The following MAP3K4 variants were observed in gnomAD, a reference collection of about 807,000 sequenced individuals.
MAP3K4 encodes MAP three kinase 1.
In MAP3K4, 67 loss-of-function variants were observed where a neutral mutation model predicts 185.6. The ratio of observed to expected loss-of-function variants is 0.36; its 90% CI spans 0.30 to 0.44. MAP3K4 has a LOEUF of 0.44. MAP3K4 is among the 20% of genes least tolerant of loss of function. MAP3K4 has a pLI of 1.00. For missense variants in MAP3K4, 1,551 were observed against 1,995.1 expected, an observed-to-expected ratio of 0.78 and a Z score of 4.24; for synonymous variants, 702 against 710.4, an observed-to-expected ratio of 0.99 and a Z score of 0.19.
intron 2 of MAP3K4, among the ~76,000 whole-genome samples, chr6:161,046,728 G>C (rs1335138948): frequency 4.0e-5 from 6 of 150,876 alleles, no homozygotes. Context: ...AAGTAAATTG[G>C]TTTTAAGCAA....
chr6:161,090,244 A>C (rs946204694), intron 11 of MAP3K4, among the ~76,000 whole-genome samples: 1 of 152,216 alleles, frequency 6.6e-6, no homozygotes, highest in African/African-American at 2.4e-5. Context: ...TTGTAACCAT[A>C]GTAAGGGGAT....
chr6:161,035,067 T>C (rs1783103172), intron 2 of MAP3K4, among the ~76,000 whole-genome samples: 1 of 152,016 alleles, frequency 6.6e-6, no homozygotes, highest in Non-Finnish European at 1.5e-5. Flanking sequence ...AACCTCCTTT[T>C]AGTGGGACGT....
At chr6:161,004,158 G>A (rs772202514) in intron 1 of MAP3K4, among the ~76,000 whole-genome samples, 2 of 152,062 alleles carry the variant, frequency 1.3e-5, no homozygotes, top group Non-Finnish European at 2.9e-5. Flanking sequence ...GGTAAGTAAT[G>A]TGAATATCCA....
In MAP3K4 at chr6:161,116,726, C is replaced by A. The variant is rs926978344; in HGVS notation, c.4807-124C>A. The stretch of plus-strand genomic sequence containing the variant: ...ATTTCTTAAGCCTTGCCCTCTGTGC[C>A]CAGTACAGTGCTGGGAGCATCAGGA... On this transcript the variant is annotated intron_variant, in intron 26 of 26. Transcript: ENST00000392142. The surrounding 1 kb of genome is among the most constrained non-coding windows in gnomAD (Gnocchi z 6.2). The A allele has an allele frequency of 1.3e-5, 10 of 783,116 alleles. No homozygotes were observed. The highest frequency in any genetic ancestry group is 1.7e-5 in the Non-Finnish European group (8 of 459,666). The allele number at this position is 783,116 out of a possible 1,614,324, so 48.5% of individuals were successfully genotyped here.
rs6925800 is a variant in MAP3K4 at position 161,077,279 on chromosome 6, T to A, written c.2098-3602T>A. ...GTACCTTATTTCTTATTGAAAAAAA[T>A]ATCTACATGTACCCCGGAACTTAAA... On this transcript the variant is annotated intron_variant, in intron 5 of 26. Transcript: ENST00000392142. This position sits in a 1 kb window ranked among gnomAD's most constrained non-coding sequence, Gnocchi z 4.3. Among the ~76,000 whole-genome samples, 44 of 152,308 alleles carry A rather than the reference T, an allele frequency of 2.9e-4. No individual in the cohort carries two copies. The highest frequency in any genetic ancestry group is 2.7e-3 in the Admixed American group (41 of 15,312).
At position 161,097,248 on chromosome 6, in the gene MAP3K4, A is replaced by G. The variant is rs1477272448; in HGVS notation, c.3524+72A>G. 10 of 1,259,332 alleles carry G rather than the reference A, an allele frequency of 7.9e-6. No homozygotes were observed. Among genetic ancestry groups the G allele is most frequent in the Non-Finnish European group, 1.2e-5 (10 of 863,784 alleles). 78.0% of individuals were successfully genotyped at this position (1,259,332 alleles called of 1,614,324 possible). A position where few individuals can be genotyped will look rare whatever the true frequency, so the allele number is the denominator to read the frequency against. On this transcript the variant is annotated intron_variant, in intron 16 of 26. Coordinates refer to ENST00000392142, the MANE Select transcript of MAP3K4 (RefSeq NM_005922.4). This position sits in a 1 kb window ranked among gnomAD's most constrained non-coding sequence, Gnocchi z 4.9. ...TATGCATGCTCATACTTTTGAAACT[A>G]CTAGATGCTTGCTCTGAGAGCTAAA... is the stretch of plus-strand genomic sequence containing the variant.
rs760479210 is a variant in MAP3K4, at chr6:161,098,447, G to A, written c.3674+20G>A. 6.2e-7 allele frequency: 1 copy of A among 1,606,848 alleles called. No individual in the cohort carries two copies. The highest frequency in any genetic ancestry group is 8.5e-7 in the Non-Finnish European group (1 of 1,175,396). ...TACCAGGTAGTCTCACCCCACCAGT[G>A]TCCCGTACCCTCACCACCCCTTACA... is the stretch of plus-strand genomic sequence containing the variant. On this transcript the variant is annotated intron_variant, in intron 17 of 26. Transcript: ENST00000392142. The surrounding 1 kb of genome is among the most constrained non-coding windows in gnomAD (Gnocchi z 4.4).
At position 161,034,150 on chromosome 6, in the gene MAP3K4, G is replaced by C; in HGVS notation, c.153-109G>C. 1.1e-6 allele frequency: 1 copy of C among 873,362 alleles called. No individual in the cohort carries two copies. The highest frequency in any genetic ancestry group is 2.7e-5 in the East Asian group (1 of 37,214). 54.1% of individuals were successfully genotyped at this position (873,362 alleles called of 1,614,324 possible). ...ATGAGGAGGAGCACAGTGCTGAAGAGATTTTTCTGTACAAAAGTTTTACAA... is the reference window on the plus strand; with the variant it reads ...ATGAGGAGGAGCACAGTGCTGAAGACATTTTTCTGTACAAAAGTTTTACAA... On this transcript the variant is annotated intron_variant, in intron 1 of 26. Transcript: ENST00000392142. This position sits in a 1 kb window ranked among gnomAD's most constrained non-coding sequence, Gnocchi z 4.4.
At position 161,109,683 on chromosome 6, in the gene MAP3K4, T is replaced by A. The variant is rs1778260073; in HGVS notation, c.4237-72T>A. On this transcript the variant is annotated intron_variant, in intron 22 of 26. Coordinates refer to ENST00000392142, the MANE Select transcript of MAP3K4 (RefSeq NM_005922.4). This position sits in a 1 kb window ranked among gnomAD's most constrained non-coding sequence, Gnocchi z 5.7. ...TCCTTTGGGGTGTGGCCTAGGAAGTTTTCCAGATTTTTCACTAGCGTACAT... is the reference window on the plus strand; with the variant it reads ...TCCTTTGGGGTGTGGCCTAGGAAGTATTCCAGATTTTTCACTAGCGTACAT... 6.5e-7 allele frequency: 1 copy of A among 1,535,436 alleles called. No individual in the cohort carries two copies.
intron 3 of MAP3K4, among the ~76,000 whole-genome samples, chr6:161,066,604 A>G (rs1442162582): frequency 1.3e-5 from 2 of 152,164 alleles, no homozygotes; most frequent in African/African-American, 4.8e-5. Flanking sequence ...TGTTTTCTAC[A>G]TTAAATCGGT....
Position 161,106,348 on chromosome 6 carries a change from A to G in MAP3K4, c.3857-166A>G, listed in dbSNP as rs547666979. On this transcript the variant is annotated intron_variant, in intron 19 of 26. Coordinates refer to ENST00000392142, the MANE Select transcript of MAP3K4 (RefSeq NM_005922.4). The surrounding 1 kb of genome is among the most constrained non-coding windows in gnomAD (Gnocchi z 4.9). ...ATAAGGGGTGGCATATGCTGGAATG[A>G]GTAGCGTTTGAAGAACTTTAATTCA... Among the ~76,000 whole-genome samples, 4 of 152,306 alleles carry G rather than the reference A, an allele frequency of 2.6e-5. No homozygotes were observed. In the East Asian group the frequency reaches 7.7e-4, roughly 29 times the overall value.
chr6:161,094,528 TAAAAC>T (rs910883839), intron 15 of MAP3K4, among the ~76,000 whole-genome samples: 6 of 152,158 alleles, frequency 3.9e-5, no homozygotes, highest in African/African-American at 1.4e-4. Flanking sequence ...AGTTTGTAAA[TAAAAC>T]AAAACTGTAT....
chr6:161,107,048 GCGCACACACA>G lies in MAP3K4; in HGVS notation c.4048+345_4048+354del, dbSNP rs1233205118. On this transcript the variant is annotated intron_variant, in intron 20 of 26. Coordinates refer to ENST00000392142, the MANE Select transcript of MAP3K4 (RefSeq NM_005922.4). The surrounding 1 kb of genome is among the most constrained non-coding windows in gnomAD (Gnocchi z 6.2). Reference sequence around the variant, plus strand: ...TCTCTCTCTCTCTCTACACACGCGCGCGCACACACACACACACACACACACACACACGCAG... The same window carrying G: ...TCTCTCTCTCTCTCTACACACGCGCGCACACACACACACACACACACGCAG... 7.8e-5 allele frequency among the ~76,000 whole-genome samples: 11 copies of G among 141,000 alleles called. No individual in the cohort carries two copies. Among genetic ancestry groups the G allele is most frequent in the East Asian group, 2.0e-4 (1 of 5,068 alleles). 92.5% of individuals were successfully genotyped at this position (141,000 alleles called of 152,430 possible). A position where few individuals can be genotyped will look rare whatever the true frequency, so the allele number is the denominator to read the frequency against.
At chr6:161,006,246 T>C (rs1781577419) in intron 1 of MAP3K4, among the ~76,000 whole-genome samples, 1 of 152,230 alleles carries the variant, frequency 6.6e-6, no homozygotes, top group South Asian at 2.1e-4. Context: ...TTTCCTTGAC[T>C]TCTGAGCATT....
chr6:161,115,439 G>A lies in MAP3K4; in HGVS notation c.4806+137G>A. On this transcript the variant is annotated intron_variant, in intron 26 of 26. Coordinates refer to ENST00000392142, the MANE Select transcript of MAP3K4 (RefSeq NM_005922.4). The surrounding 1 kb of genome is among the most constrained non-coding windows in gnomAD (Gnocchi z 6.0). Reference sequence around the variant, plus strand: ...AGGAACTAAATGTATTATTATGCCAGGGATTTTTGTATGTGTTTTTTCATT... The same window carrying A: ...AGGAACTAAATGTATTATTATGCCAAGGATTTTTGTATGTGTTTTTTCATT... The A allele has an allele frequency of 1.2e-6, 1 of 835,708 alleles. No homozygotes were observed. 51.8% of individuals were successfully genotyped at this position (835,708 alleles called of 1,614,324 possible). A position where few individuals can be genotyped will look rare whatever the true frequency, so the allele number is the denominator to read the frequency against.
rs868609782 is a variant in MAP3K4 at position 161,053,423 on chromosome 6, T to C, written c.1707+3444T>C. Among the ~76,000 whole-genome samples, 46 of 152,364 alleles carry C rather than the reference T, an allele frequency of 3.0e-4. No homozygotes were observed. Among genetic ancestry groups the C allele is most frequent in the Middle Eastern group, 3.4e-3 (1 of 294 alleles). ...GCTCTACAAATCAACCATAAACTTT[T>C]AGAAGTTTTATTACTTTTTCTTCCT... On this transcript the variant is annotated intron_variant, in intron 3 of 26. Coordinates refer to ENST00000392142, the MANE Select transcript of MAP3K4 (RefSeq NM_005922.4). The surrounding 1 kb of genome is among the most constrained non-coding windows in gnomAD (Gnocchi z 4.2).
Position 161,108,503 on chromosome 6 carries a change from G to A in MAP3K4, c.4120-240G>A, listed in dbSNP as rs116179357. On this transcript the variant is annotated intron_variant, in intron 21 of 26. Coordinates refer to ENST00000392142, the MANE Select transcript of MAP3K4 (RefSeq NM_005922.4). This position sits in a 1 kb window ranked among gnomAD's most constrained non-coding sequence, Gnocchi z 5.7. Reference sequence around the variant, plus strand: ...GGAGCCGCGTCCTCCTCCACATGGCGCTCCTCACTCCCTCTCGGAGCAGGG... The same window carrying A: ...GGAGCCGCGTCCTCCTCCACATGGCACTCCTCACTCCCTCTCGGAGCAGGG... Among the ~76,000 whole-genome samples, 1,693 of 152,124 alleles carry A rather than the reference G, an allele frequency of 0.011. 30 individuals carry two copies. The highest frequency in any genetic ancestry group is 0.039 in the African/African-American group (1,614 of 41,468).
intron 1 of MAP3K4, among the ~76,000 whole-genome samples, chr6:161,014,458 G>A (rs1021282506): frequency 4.6e-5 from 7 of 152,174 alleles, no homozygotes; most frequent in African/African-American, 1.7e-4. Context: ...AGAAATAGGT[G>A]ATTATTAAAA....
rs767431905 is a variant in MAP3K4 at position 161,098,374 on chromosome 6, C to G, written c.3621C>G (p.Pro1207=). The part of the protein sequence containing the change: ...AAAVAASRPS[P]SGGDSVLPKS... ...CTGTTGCTGCCAGTCGGCCCAGCCC[C>G]TCTGGTGGTGACTCTGTGCTGCCCA... is the stretch of plus-strand genomic sequence containing the variant. The change falls in exon 17 of 27, where the codon CCC becomes CCG. Residue 1207 remains proline, a synonymous_variant. Transcript: ENST00000392142. The surrounding 1 kb of genome is among the most constrained non-coding windows in gnomAD (Gnocchi z 4.4). 6 of 1,613,796 alleles carry G rather than the reference C, an allele frequency of 3.7e-6. No homozygotes were observed. The African/African-American group carries it at 5.3e-5, about 14-fold the overall frequency.
Sources: gnomAD v4.1 joint callset for allele counts (sites outside exome capture counted in the v4.1 genomes callset) on GRCh38, gnomAD v4.1.1 for gene constraint, Gnocchi (gnomAD v3.1) non-coding constraint, MANE v1.5 for transcripts, NCBI Gene and HGNC (gene_info 2026-07-23, HGNC 2026-07-21) for gene names.